The following KDM4C variants were observed in gnomAD, a reference collection of about 807,000 sequenced individuals.
KDM4C encodes lysine-specific demethylase 4C.
Under a neutral mutation model 129.3 loss-of-function variants are expected in KDM4C, and 81 were observed. That is an observed-to-expected ratio of 0.63 (90% CI 0.52 to 0.75). The LOEUF is 0.75. Ranked by LOEUF, KDM4C falls within the 30% of genes least tolerant of loss-of-function variation. The pLI, the probability that KDM4C is intolerant of heterozygous loss-of-function variation, is 0.00. For missense variants in KDM4C, 1,457 were observed against 1,304.0 expected (o/e 1.12, Z -1.81); for synonymous variants, 573 against 456.1 (o/e 1.26, Z -3.26).
chr9:6,859,830 A>G (rs1366802223), intron 5 of KDM4C, among the ~76,000 whole-genome samples: 1 of 148,936 alleles, frequency 6.7e-6, no homozygotes, highest in Admixed American at 6.8e-5. Context: ...GTGCCACTGC[A>G]CTCCAGCCTG....
At chr9:7,143,801 G>T (rs1237795962) in intron 19 of KDM4C, among the ~76,000 whole-genome samples, 1 of 152,122 alleles carries the variant, frequency 6.6e-6, no homozygotes, top group Non-Finnish European at 1.5e-5. Flanking sequence ...AACCATCTTA[G>T]CTATCTGTCT....
chr9:6,917,109 G>A (rs1257083742), intron 8 of KDM4C, among the ~76,000 whole-genome samples: 1 of 152,174 alleles, frequency 6.6e-6, no homozygotes, highest in Non-Finnish European at 1.5e-5. Flanking sequence ...GAGTGAATTG[G>A]AGAATGTGGG....
intron 1 of KDM4C, among the ~76,000 whole-genome samples, chr9:6,784,831 T>C (rs1273176293): frequency 6.6e-6 from 1 of 152,234 alleles, no homozygotes; most frequent in East Asian, 1.9e-4. Flanking sequence ...GGGGGCCCTT[T>C]CAAGCCCTCT....
At chr9:7,092,242 G>A (rs1159404462) in intron 17 of KDM4C, among the ~76,000 whole-genome samples, 1 of 152,130 alleles carries the variant, frequency 6.6e-6, no homozygotes, top group African/African-American at 2.4e-5. Context: ...ATCCTCTGAA[G>A]TACAGCTGTG....
intron 1 of KDM4C, 105 bp from the exon 2 acceptor site, chr9:6,792,867 C>A (rs143615332): frequency 1.8e-6 from 2 of 1,141,444 alleles, no homozygotes; most frequent in Non-Finnish European, 2.6e-6. Context: ...TGGGAAGTGA[C>A]TGAAAGAGAA....
intron 6 of KDM4C, among the ~76,000 whole-genome samples, chr9:6,882,981 T>A (rs1588912563): frequency 6.6e-6 from 1 of 152,172 alleles, no homozygotes; most frequent in East Asian, 1.9e-4. Flanking sequence ...TGAAATTATA[T>A]TCAAAGTTGG....
chr9:6,800,059 C>T (rs949574027), intron 2 of KDM4C, among the ~76,000 whole-genome samples: 1 of 150,274 alleles, frequency 6.7e-6, no homozygotes, highest in Non-Finnish European at 1.5e-5. Context: ...CACATCTTTT[C>T]CAAAAAAAAA....
intron 5 of KDM4C, among the ~76,000 whole-genome samples, chr9:6,854,525 C>CAAAAAAAAAAAAAAAAAAAAAA (rs1177446839): frequency 2.4e-5 from 1 of 41,382 alleles, no homozygotes; most frequent in Non-Finnish European, 4.5e-5. Flanking sequence ...AACTCCGTCT[C>CAAAAAAAAAAAAAAAAAAAAAA]AAAAAAAAAA....
At chr9:6,997,542 A>T (rs138959643) in intron 12 of KDM4C, among the ~76,000 whole-genome samples, 60 of 152,292 alleles carry the variant, frequency 3.9e-4, no homozygotes, top group African/African-American at 1.2e-3. Flanking sequence ...TTAAAATGCA[A>T]CTTAGGCTGG....
chr9:7,036,592 T>A (rs934376229), intron 15 of KDM4C, among the ~76,000 whole-genome samples: 2 of 152,338 alleles, frequency 1.3e-5, no homozygotes, highest in East Asian at 1.9e-4. Context: ...TGCTGATATT[T>A]AAATAGATAA....
chr9:6,907,496 T>C (rs1460531032), intron 8 of KDM4C, among the ~76,000 whole-genome samples: 5 of 152,238 alleles, frequency 3.3e-5, no homozygotes, highest in African/African-American at 7.2e-5. Context: ...ATGCATCTTA[T>C]AGACACATAG....
rs139581748 is a variant in KDM4C at position 6,744,331 on chromosome 9, C to A, written c.49+23334C>A. Among the ~76,000 whole-genome samples the A allele has an allele frequency of 5.0e-3, 759 of 152,190 alleles. 7 individuals are homozygous for A. Among genetic ancestry groups the A allele is most frequent in the African/African-American group, 0.017 (725 of 41,524 alleles). ...ACGAGGTTAAGAGATTGAGACCATC[C>A]TGGCTAACATGGTGAAACCGCATCT... On this transcript the variant is annotated intron_variant, in intron 1 of 17. Transcript: ENST00000536108.
intron 19 of KDM4C, among the ~76,000 whole-genome samples, chr9:7,143,644 C>G (rs1352859705): frequency 6.6e-6 from 1 of 152,218 alleles, no homozygotes; most frequent in African/African-American, 2.4e-5. Flanking sequence ...TGGGAATCTA[C>G]AAACAGCAAA....
intron 17 of KDM4C, among the ~76,000 whole-genome samples, chr9:7,060,220 T>A (rs1240069693): frequency 6.6e-6 from 1 of 151,718 alleles, no homozygotes; most frequent in Non-Finnish European, 1.5e-5. Context: ...GTCATGTTTT[T>A]TTTTTTTTCT....
At chr9:6,792,935 T>C in intron 1 of KDM4C, 37 bp from the exon 2 acceptor site, 1 of 1,605,384 alleles carries the variant, frequency 6.2e-7, no homozygotes, top group Admixed American at 1.7e-5. Flanking sequence ...AAGCATATAA[T>C]AATTCAGTTC....
intron 19 of KDM4C, among the ~76,000 whole-genome samples, chr9:7,130,112 A>G (rs1234107060): frequency 6.6e-6 from 1 of 152,186 alleles, no homozygotes; most frequent in African/African-American, 2.4e-5. Flanking sequence ...CAGGCTACAT[A>G]GTTGTTTCAG....
At chr9:6,883,740 G>T (rs770217487) in intron 6 of KDM4C, among the ~76,000 whole-genome samples, 12 of 152,138 alleles carry the variant, frequency 7.9e-5, no homozygotes, top group Non-Finnish European at 1.8e-4. Context: ...TTTGATTTGA[G>T]GGTGCCAATG....
At chr9:6,761,811 CT>C (rs1236499252) in intron 1 of KDM4C, among the ~76,000 whole-genome samples, 1 of 152,008 alleles carries the variant, frequency 6.6e-6, no homozygotes, top group Non-Finnish European at 1.5e-5. Context: ...ACCTCTGTCT[CT>C]TTTTTCTTTT....
intron 8 of KDM4C, among the ~76,000 whole-genome samples, chr9:6,947,074 A>G (rs1479591417): frequency 1.3e-5 from 2 of 152,118 alleles, no homozygotes; most frequent in African/African-American, 4.8e-5. Context: ...TACTTTTGTA[A>G]ATTAACAAAA....
Sources: gnomAD v4.1 joint callset for allele counts (sites outside exome capture counted in the v4.1 genomes callset) on GRCh38, gnomAD v4.1.1 for gene constraint, MANE v1.5 for transcripts, NCBI Gene and HGNC (gene_info 2026-07-23, HGNC 2026-07-21) for gene names.